The following FAM110B variants were observed in gnomAD, a reference collection of about 807,000 sequenced individuals.
FAM110B encodes the protein family with sequence similarity 110 member B, also known as protein FAM110B.
A neutral mutation model predicts 20.4 loss-of-function variants in FAM110B; 6 were observed. The ratio of observed to expected loss-of-function variants is 0.29; its 90% CI spans 0.16 to 0.58. The LOEUF (loss-of-function observed/expected upper bound fraction) is 0.58, where lower values mean the gene tolerates loss of function less well. Ranked by LOEUF, FAM110B falls within the 20% of genes least tolerant of loss-of-function variation. The pLI is 0.90. For missense variants in FAM110B, 434 were observed against 498.2 expected (o/e 0.87, Z 1.23); for synonymous variants, 226 against 214.1 (o/e 1.06, Z -0.49).
intron 1 of FAM110B, among the ~76,000 whole-genome samples, chr8:58,024,803 G>A (rs1400012429): frequency 1.3e-5 from 2 of 152,170 alleles, no homozygotes; most frequent in Non-Finnish European, 2.9e-5. Context: ...AGGTCACATA[G>A]TGCCATGGAG....
chr8:58,087,662 T>C (rs1806371697), intron 3 of FAM110B, among the ~76,000 whole-genome samples: 1 of 152,214 alleles, frequency 6.6e-6, no homozygotes, highest in Non-Finnish European at 1.5e-5. Context: ...TTTCAAACCC[T>C]GTTCCCTGGA....
intron 1 of FAM110B, among the ~76,000 whole-genome samples, chr8:58,005,979 A>T (rs1804394143): frequency 6.6e-6 from 1 of 150,590 alleles, no homozygotes; most frequent in Non-Finnish European, 1.5e-5. Flanking sequence ...GCTCTTTATC[A>T]TTTTTTTTTC....
At chr8:58,103,634 G>A (rs1360865662) in intron 3 of FAM110B, among the ~76,000 whole-genome samples, 1 of 152,060 alleles carries the variant, frequency 6.6e-6, no homozygotes, top group Non-Finnish European at 1.5e-5. Context: ...ATAATAGTTA[G>A]TCCTAATAGT....
intron 3 of FAM110B, among the ~76,000 whole-genome samples, chr8:58,091,998 T>C (rs1358494740): frequency 6.6e-6 from 1 of 152,228 alleles, no homozygotes; most frequent in East Asian, 1.9e-4. Flanking sequence ...AAACAGACTC[T>C]TCTCATCTGG....
intron 1 of FAM110B, among the ~76,000 whole-genome samples, chr8:58,001,313 T>C (rs1804289414): frequency 1.3e-5 from 2 of 152,070 alleles, no homozygotes. Context: ...GAAATTGACT[T>C]CAAATGAATT....
chr8:58,034,496 G>T (rs981079521), intron 2 of FAM110B, among the ~76,000 whole-genome samples: 1 of 152,232 alleles, frequency 6.6e-6, no homozygotes, highest in Non-Finnish European at 1.5e-5. Context: ...GAGGGTAAGA[G>T]TGTGGGCTTT....
Position 58,058,654 on chromosome 8 carries a change from C to G in FAM110B, c.-413-16881C>G, listed in dbSNP as rs543874753. On this transcript the variant is annotated intron_variant, in intron 2 of 3. Transcript: ENST00000519262. ...GTCATAAATGCATGAGAGATTGAGT[C>G]ATTTTTTTCTTTAGATATGCATGAT... is the stretch of plus-strand genomic sequence containing the variant. 2.8e-4 allele frequency among the ~76,000 whole-genome samples: 42 copies of G among 152,130 alleles called. No homozygotes were observed. In the South Asian group the frequency reaches 8.3e-3, roughly 30 times the overall value.
intron 3 of FAM110B, among the ~76,000 whole-genome samples, chr8:58,114,802 T>G (rs1299094621): frequency 1.3e-5 from 2 of 152,178 alleles, no homozygotes; most frequent in African/African-American, 4.8e-5. Flanking sequence ...TTTTTGCAGA[T>G]GAGGAAACTG....
intron 3 of FAM110B, among the ~76,000 whole-genome samples, chr8:58,138,690 G>A (rs1316072599): frequency 6.6e-6 from 1 of 152,182 alleles, no homozygotes; most frequent in East Asian, 1.9e-4. Flanking sequence ...ACCTTTGTGG[G>A]TAACAAACTG....
intron 1 of FAM110B, among the ~76,000 whole-genome samples, chr8:58,005,834 T>C (rs753292443): frequency 2.6e-5 from 4 of 152,256 alleles, no homozygotes; most frequent in Non-Finnish European, 5.9e-5. Flanking sequence ...TCCTATTTAC[T>C]CTTCAGATTT....
intron 2 of FAM110B, among the ~76,000 whole-genome samples, chr8:58,050,457 T>C (rs999816467): frequency 1.3e-5 from 2 of 152,152 alleles, no homozygotes; most frequent in Non-Finnish European, 2.9e-5. Flanking sequence ...TACACAGCCC[T>C]CTCAAGTAAG....
chr8:58,063,559 C>T (rs1805699110), intron 2 of FAM110B, among the ~76,000 whole-genome samples: 1 of 152,098 alleles, frequency 6.6e-6, no homozygotes, highest in African/African-American at 2.4e-5. Context: ...TTGAGCATCC[C>T]TAATCTAAAA....
intron 1 of FAM110B, among the ~76,000 whole-genome samples, chr8:58,023,021 G>GA (rs972982232): frequency 6.6e-6 from 1 of 151,742 alleles, no homozygotes; most frequent in East Asian, 1.9e-4. Context: ...ATTTTTTAAG[G>GA]AAAAAAAATT....
intron 1 of FAM110B, among the ~76,000 whole-genome samples, chr8:57,998,714 TG>T (rs1376685189): frequency 6.6e-6 from 1 of 152,238 alleles, no homozygotes; most frequent in Non-Finnish European, 1.5e-5. Flanking sequence ...TGAAAGATTT[TG>T]GGGAATAGTT....
chr8:58,073,797 A>C (rs1276298167), intron 2 of FAM110B, among the ~76,000 whole-genome samples: 2 of 152,230 alleles, frequency 1.3e-5, no homozygotes. Context: ...AGCTTGTAAA[A>C]TTTGAGACTG....
intron 2 of FAM110B, among the ~76,000 whole-genome samples, chr8:58,033,755 TA>T (rs143202893): frequency 0.01 from 1,531 of 151,494 alleles, 25 homozygotes; most frequent in African/African-American, 0.031. Flanking sequence ...ATTAAAAAGT[TA>T]AAAAAAAATA....
intron 2 of FAM110B, among the ~76,000 whole-genome samples, chr8:58,038,266 G>A (rs117799101): frequency 2.6e-5 from 4 of 152,066 alleles, no homozygotes; most frequent in East Asian, 3.9e-4. Flanking sequence ...ATCAACCCTC[G>A]GACCATTAAT....
At chr8:58,135,742 C>T (rs984613133) in intron 3 of FAM110B, among the ~76,000 whole-genome samples, 3 of 152,078 alleles carry the variant, frequency 2.0e-5, no homozygotes, top group Admixed American at 2.0e-4. Flanking sequence ...TCCACACCAC[C>T]CTGGGTTCTG....
chr8:58,132,719 T>C (rs1803506309), intron 3 of FAM110B, among the ~76,000 whole-genome samples: 1 of 152,168 alleles, frequency 6.6e-6, no homozygotes, highest in Non-Finnish European at 1.5e-5. Flanking sequence ...GTTCCTCTTC[T>C]TAAATTGAAG....
Sources: gnomAD v4.1 joint callset for allele counts (sites outside exome capture counted in the v4.1 genomes callset) on GRCh38, gnomAD v4.1.1 for gene constraint, MANE v1.5 for transcripts, NCBI Gene and HGNC (gene_info 2026-07-23, HGNC 2026-07-21) for gene names.